Variants in CEP63 observed in about 807,000 individuals in gnomAD.
The protein encoded by CEP63 is centrosomal protein 63, also known as centrosomal protein of 63 kDa.
In CEP63, 84 loss-of-function variants were observed where a neutral mutation model predicts 89.1. That is an observed-to-expected ratio of 0.94 (90% confidence interval 0.79 to 1.13). The LOEUF is 1.13. Ranked by LOEUF, CEP63 falls within the 50% of genes most tolerant of loss-of-function variation. CEP63 has a pLI of 0.00. For missense variants in CEP63, 838 were observed against 813.3 expected (o/e 1.03, Z -0.37); for synonymous variants, 267 against 272.5 (o/e 0.98, Z 0.20).
the CEP63 span, chr3:134,608,471 C>T: frequency 1.3e-6 from 2 of 1,532,076 alleles, no homozygotes; most frequent in East Asian, 2.5e-5. Flanking sequence ...CCCTGATGGC[C>T]TGGGCTGCCT....
the CEP63 span, among the ~76,000 whole-genome samples, chr3:134,683,088 G>A: frequency 2.6e-5 from 4 of 152,158 alleles, no homozygotes; most frequent in Non-Finnish European, 5.9e-5. Context: ...GCTACCACTG[G>A]GCTTTACCCA....
intron 6 of CEP63, among the ~76,000 whole-genome samples, chr3:134,538,934 A>G (rs1951435321): frequency 6.6e-6 from 1 of 152,144 alleles, no homozygotes; most frequent in Non-Finnish European, 1.5e-5. Flanking sequence ...ACTTACTGTA[A>G]TTCAGCTAGG....
At chr3:134,550,324 A>G (rs1192983373) in intron 11 of CEP63, 64 bp downstream of exon 11, 1 of 1,432,276 alleles carries the variant, frequency 7.0e-7, no homozygotes, top group Admixed American at 1.9e-5. Flanking sequence ...TTGATTAAAG[A>G]CATAATTTTC....
chr3:134,740,976 G>A, the CEP63 span, among the ~76,000 whole-genome samples: 1 of 152,030 alleles, frequency 6.6e-6, no homozygotes. Context: ...GCTGGTCCCT[G>A]TTTGGATGTT....
intron 6 of CEP63, among the ~76,000 whole-genome samples, chr3:134,541,931 G>T (rs1952122972): frequency 6.6e-6 from 1 of 152,124 alleles, no homozygotes; most frequent in African/African-American, 2.4e-5. Flanking sequence ...AAGAGTCGTG[G>T]TTATATAGTA....
the CEP63 span, among the ~76,000 whole-genome samples, chr3:134,654,994 C>G: frequency 6.6e-6 from 1 of 152,198 alleles, no homozygotes; most frequent in African/African-American, 2.4e-5. Context: ...AGCAGTTATG[C>G]CAGGCAAACC....
At chr3:134,543,470 G>A (rs1406252580) in intron 6 of CEP63, among the ~76,000 whole-genome samples, 1 of 152,120 alleles carries the variant, frequency 6.6e-6, no homozygotes, top group Non-Finnish European at 1.5e-5. Flanking sequence ...GTGAAAGAAG[G>A]TTATGTTCTC....
intron 1 of CEP63, chr3:134,486,683 A>G: frequency 3.0e-6 from 1 of 328,060 alleles, no homozygotes; most frequent in Non-Finnish European, 4.4e-6. Flanking sequence ...GGACTACTTC[A>G]TTCACGGCAC....
the CEP63 span, among the ~76,000 whole-genome samples, chr3:134,595,657 T>C: frequency 6.6e-6 from 1 of 152,168 alleles, no homozygotes; most frequent in Admixed American, 6.5e-5. Context: ...GCTGGTTTAA[T>C]TGGAGAGAGG....
chr3:134,630,619 A>C, the CEP63 span, among the ~76,000 whole-genome samples: 11 of 152,352 alleles, frequency 7.2e-5, 1 homozygote, highest in Non-Finnish European at 1.3e-4. Flanking sequence ...CATCCTAAAC[A>C]TCATACCACA....
At chr3:134,537,965 T>C (rs566531710) in intron 6 of CEP63, among the ~76,000 whole-genome samples, 1 of 152,320 alleles carries the variant, frequency 6.6e-6, no homozygotes, top group East Asian at 1.9e-4. Context: ...GACACCTACT[T>C]TAGGAATATG....
At chr3:134,584,823 T>C (rs972581213) in intron 10 of CEP63, among the ~76,000 whole-genome samples, 11 of 152,276 alleles carry the variant, frequency 7.2e-5, no homozygotes, top group African/African-American at 2.6e-4. Flanking sequence ...TTTTTTTGGT[T>C]GGTAGGCTAT....
intron 6 of CEP63, among the ~76,000 whole-genome samples, chr3:134,542,042 T>C (rs895687052): frequency 6.6e-6 from 1 of 152,118 alleles, no homozygotes; most frequent in Non-Finnish European, 1.5e-5. Flanking sequence ...CAAGGAAATC[T>C]TAGAGAACAG....
chr3:134,775,845 C>G, the CEP63 span, among the ~76,000 whole-genome samples: 3 of 152,132 alleles, frequency 2.0e-5, no homozygotes, highest in South Asian at 6.2e-4. Context: ...GGAATGGTGC[C>G]TCTTCTTTTC....
chr3:134,485,991 GCCCCC>G (rs5852785), upstream of CEP63: 14 of 940,618 alleles, frequency 1.5e-5, no homozygotes, highest in African/African-American at 1.9e-5. Context: ...CTCCTGCCAC[GCCCCC>G]CCCCCCTCCC....
At chr3:134,523,482 G>A (rs533428317) in intron 3 of CEP63, among the ~76,000 whole-genome samples, 109 of 152,206 alleles carry the variant, frequency 7.2e-4, no homozygotes, top group Middle Eastern at 3.4e-3. Context: ...GTCCAGAATG[G>A]CATTGCTGGG....
chr3:134,550,820 G>A (rs565750382), intron 11 of CEP63, among the ~76,000 whole-genome samples: 23 of 152,180 alleles, frequency 1.5e-4, no homozygotes, highest in Non-Finnish European at 2.9e-4. Context: ...TGGAGAATAA[G>A]CAGGGAGACA....
chr3:134,773,778 G>A, the CEP63 span, among the ~76,000 whole-genome samples: 2 of 152,004 alleles, frequency 1.3e-5, no homozygotes, highest in African/African-American at 4.8e-5. Flanking sequence ...TCTGGATGAA[G>A]GTGCATCCCT....
chr3:134,779,340 T>C, the CEP63 span, among the ~76,000 whole-genome samples: 1 of 152,242 alleles, frequency 6.6e-6, no homozygotes, highest in Non-Finnish European at 1.5e-5. Flanking sequence ...TGTATAAGAA[T>C]ACACCATGAT....
Sources: gnomAD v4.1 joint callset for allele counts (sites outside exome capture counted in the v4.1 genomes callset) on GRCh38, gnomAD v4.1.1 for gene constraint, MANE v1.5 for transcripts, NCBI Gene and HGNC (gene_info 2026-07-23, HGNC 2026-07-21) for gene names.